The following TRIM71 variants were observed in gnomAD, a reference collection of about 807,000 sequenced individuals.
The protein encoded by TRIM71 is tripartite motif containing 71.
TRIM71 carries 9 observed loss-of-function variants against 61.2 expected under a neutral mutation model. That is an observed-to-expected ratio of 0.15 (90% CI 0.09 to 0.26). TRIM71 has a LOEUF of 0.26. TRIM71 is among the 10% of genes least tolerant of loss of function. The probability of loss-of-function intolerance (pLI) is 1.00; values close to 1 mark genes in which losing one functional copy is unlikely to be tolerated. For synonymous variants in TRIM71, 645 were observed against 553.2 expected, an observed-to-expected ratio of 1.17 and a Z score of -2.33; for missense variants, 998 against 1,238.7, an observed-to-expected ratio of 0.81 and a Z score of 2.92.
chr3:32,870,167 G>C (rs929546387), intron 1 of TRIM71, among the ~76,000 whole-genome samples: 1 of 152,194 alleles, frequency 6.6e-6, no homozygotes, highest in Admixed American at 6.5e-5. Flanking sequence ...GTGGTTAGAT[G>C]AGACATGGAG....
chr3:32,853,336 C>G (rs1261290726), intron 1 of TRIM71, among the ~76,000 whole-genome samples: 1 of 152,072 alleles, frequency 6.6e-6, no homozygotes, highest in Non-Finnish European at 1.5e-5. Context: ...CCAGGATGGT[C>G]TCGATCTCCT....
rs9871744 is a variant in TRIM71, at chr3:32,834,750, G to C, written c.852+15818G>C. Among the ~76,000 whole-genome samples the C allele has an allele frequency of 9.1e-3, 1,393 of 152,252 alleles. 23 individuals carry two copies. The highest frequency in any genetic ancestry group is 0.032 in the African/African-American group (1,345 of 41,538). ...CCAGCTACCCCGGATACCGAGGCAG[G>C]AGAATCGCCTGAACCTGGGAGGTGG... On this transcript the variant is annotated intron_variant, in intron 1 of 3. Coordinates refer to ENST00000383763, the MANE Select transcript of TRIM71 (RefSeq NM_001039111.3).
In TRIM71 at chr3:32,818,204, T is replaced by C; in HGVS notation, c.124T>C (p.Ser42Pro). The change falls in exon 1 of 4, where the codon TCG becomes CCG. Residue 42 changes from serine to proline, a missense_variant. Physicochemically the swap from Ser to Pro is moderately conservative, Grantham distance 74. Coordinates refer to ENST00000383763, the MANE Select transcript of TRIM71 (RefSeq NM_001039111.3). ...GTCCTCCTCGCAGACGTCCACGTCG[T>C]CGGGGGGCGGCGGCGGGGGCCCTGG... is the stretch of plus-strand genomic sequence containing the variant. ...SSSSSQTSTS[S>P]GGGGGGPGAA... 6.4e-7 allele frequency: 1 copy of C among 1,567,674 alleles called. No individual in the cohort carries two copies. Among genetic ancestry groups the C allele is most frequent in the Non-Finnish European group, 8.6e-7 (1 of 1,161,684 alleles).
At chr3:32,870,329 T>C (rs1396203840) in intron 1 of TRIM71, among the ~76,000 whole-genome samples, 3 of 152,168 alleles carry the variant, frequency 2.0e-5, no homozygotes, top group Non-Finnish European at 4.4e-5. Flanking sequence ...GGCCATTCTT[T>C]TACTCACTGG....
intron 1 of TRIM71, among the ~76,000 whole-genome samples, chr3:32,863,308 A>G (rs1402377730): frequency 4.2e-5 from 6 of 142,218 alleles, no homozygotes; most frequent in Admixed American, 8.1e-5. Flanking sequence ...TCTTGGGCTC[A>G]TCAAGCCATC....
intron 2 of TRIM71, among the ~76,000 whole-genome samples, chr3:32,885,177 G>A (rs1378869955): frequency 6.6e-6 from 1 of 152,108 alleles, no homozygotes; most frequent in Admixed American, 6.5e-5. Flanking sequence ...TCACCTACCC[G>A]AAACCTGTTG....
chr3:32,841,911 C>T (rs563225286), intron 1 of TRIM71, among the ~76,000 whole-genome samples: 7 of 152,196 alleles, frequency 4.6e-5, no homozygotes, highest in East Asian at 3.9e-4. Flanking sequence ...TCAAGTGATC[C>T]CCGGCCTCCC....
At chr3:32,847,620 C>CT (rs1331389988) in intron 1 of TRIM71, among the ~76,000 whole-genome samples, 1 of 152,226 alleles carries the variant, frequency 6.6e-6, no homozygotes, top group East Asian at 1.9e-4. Context: ...CAGTGCCTGA[C>CT]TTACTGTATC....
intron 1 of TRIM71, among the ~76,000 whole-genome samples, chr3:32,846,452 A>G (rs971908288): frequency 3.9e-5 from 6 of 152,202 alleles, no homozygotes; most frequent in African/African-American, 1.4e-4. Context: ...ATATACATAC[A>G]TTGTGGAATG....
chr3:32,863,995 G>A (rs1696702988), intron 1 of TRIM71, among the ~76,000 whole-genome samples: 1 of 152,166 alleles, frequency 6.6e-6, no homozygotes, highest in Non-Finnish European at 1.5e-5. Context: ...CTTGTGTGTA[G>A]TTACTGACAA....
chr3:32,848,676 A>G (rs1484126769), intron 1 of TRIM71, among the ~76,000 whole-genome samples: 1 of 152,204 alleles, frequency 6.6e-6, no homozygotes, highest in Non-Finnish European at 1.5e-5. Context: ...CAGTTTTAAA[A>G]TGCCTGATGC....
At position 32,896,954 on chromosome 3, in the gene TRIM71, T is replaced by C. The variant is rs1697084353; in HGVS notation, c.*5143T>C. 6.6e-6 allele frequency: 1 copy of C among 150,790 alleles called. No individual in the cohort carries two copies. Among genetic ancestry groups the C allele is most frequent in the Admixed American group, 6.6e-5 (1 of 15,060 alleles). 9.3% of individuals were successfully genotyped at this position (150,790 alleles called of 1,614,324 possible). A position where few individuals can be genotyped will look rare whatever the true frequency, so the allele number is the denominator to read the frequency against. ...GAAGATTTTTCACATTTCTGGGGTT[T>C]TCTTGCTTTTAGGGTGGTAAGATTC... On this transcript the variant is annotated 3_prime_UTR_variant, in exon 4 of 4. Transcript: ENST00000383763.
Position 32,897,462 on chromosome 3 carries a change from A to T in TRIM71, c.*5651A>T, listed in dbSNP as rs1271841022. On this transcript the variant is annotated 3_prime_UTR_variant, in exon 4 of 4. Coordinates refer to ENST00000383763, the MANE Select transcript of TRIM71 (RefSeq NM_001039111.3). The stretch of plus-strand genomic sequence containing the variant: ...GCAGTAGATGGGTGGGGAAATGAAG[A>T]TTTCCCCCCAAACCTTTAGGCAAAA... 6.6e-6 allele frequency: 1 copy of T among 152,042 alleles called. No homozygotes were observed. 9.4% of individuals were successfully genotyped at this position (152,042 alleles called of 1,614,324 possible).
At chr3:32,855,262 G>A (rs900227077) in intron 1 of TRIM71, among the ~76,000 whole-genome samples, 6 of 152,100 alleles carry the variant, frequency 3.9e-5, no homozygotes, top group Non-Finnish European at 8.8e-5. Flanking sequence ...ATTGAAAAGG[G>A]CTTTGAGGAA....
chr3:32,818,389 G>T lies in TRIM71; in HGVS notation c.309G>T (p.Ala103=). 1 of 1,480,734 alleles carries T rather than the reference G, an allele frequency of 6.8e-7. No individual in the cohort carries two copies. Among genetic ancestry groups the T allele is most frequent in the Non-Finnish European group, 8.9e-7 (1 of 1,120,324 alleles). 91.7% of individuals were successfully genotyped at this position (1,480,734 alleles called of 1,614,324 possible). A position where few individuals can be genotyped will look rare whatever the true frequency, so the allele number is the denominator to read the frequency against. Residue 103 remains alanine (A), a synonymous_variant, in exon 1 of 4, where the codon GCG becomes GCT. Transcript: ENST00000383763. ...VCDQKVVLAE[A]AGMDALPSSA... is the part of the protein sequence containing the mutation. ...ACCAGAAAGTAGTGCTAGCCGAGGC[G>T]GCGGGTATGGACGCGCTGCCTTCGT...
At chr3:32,868,700 T>A (rs1607463) in intron 1 of TRIM71, among the ~76,000 whole-genome samples, 21,261 of 150,320 alleles carry the variant, frequency 0.14, 3,520 homozygotes, top group African/African-American at 0.41. Context: ...TTTTTTTTTT[T>A]AAAAAACTGT....
At chr3:32,859,177 T>G (rs915192025) in intron 1 of TRIM71, among the ~76,000 whole-genome samples, 5 of 152,170 alleles carry the variant, frequency 3.3e-5, no homozygotes, top group Non-Finnish European at 7.3e-5. Context: ...TGATTAACAT[T>G]CATACCTGAG....
At chr3:32,832,149 A>G (rs1344267056) in intron 1 of TRIM71, among the ~76,000 whole-genome samples, 2 of 152,202 alleles carry the variant, frequency 1.3e-5, no homozygotes, top group African/African-American at 4.8e-5. Flanking sequence ...ATGTGGTCTT[A>G]TTTAAATTAC....
At chr3:32,835,097 G>A (rs910881579) in intron 1 of TRIM71, among the ~76,000 whole-genome samples, 5 of 152,182 alleles carry the variant, frequency 3.3e-5, no homozygotes, top group African/African-American at 1.2e-4. Flanking sequence ...TCATGTGCAA[G>A]ATGAAATCAT....
Sources: allele counts gnomAD v4.1 joint callset (sites outside exome capture counted in the v4.1 genomes callset), GRCh38; gene constraint gnomAD v4.1.1; transcripts MANE v1.5; gene names NCBI Gene and HGNC (gene_info 2026-07-23, HGNC 2026-07-21).